Variants in MITD1 observed in about 807,000 individuals in gnomAD.
The protein encoded by MITD1 is microtubule interacting and trafficking domain containing 1, also known as MIT domain-containing protein 1.
Under a neutral mutation model 34.9 loss-of-function variants are expected in MITD1, and 24 were observed. The observed-to-expected ratio is 0.69, with a 90% CI of 0.50 to 0.97. MITD1 has a LOEUF of 0.97. Among genes scored for constraint, MITD1 ranks in the 50% least tolerant of loss-of-function variants. MITD1 has a pLI of 0.00. For synonymous variants in MITD1, 102 were observed against 101.4 expected, an observed-to-expected ratio of 1.01 and a Z score of -0.04; for missense variants, 266 against 294.6, an observed-to-expected ratio of 0.90 and a Z score of 0.71.
rs187886723 is a variant in MITD1 at position 99,162,670 on chromosome 2, A to G, written c.*4-452T>C. ...GCTGTTGCTACAGAGTATGCTGCTT[A>G]TCATCAAATTGATAATCACATTCAC... On this transcript the variant is annotated intron_variant, in intron 7 of 7. Transcript: ENST00000422537. The G allele has an allele frequency of 8.7e-5, 141 of 1,614,166 alleles. No individual in the cohort carries two copies. In the East Asian group the frequency reaches 2.9e-3, roughly 33 times the overall value.
intron 7 of MITD1, among the ~76,000 whole-genome samples, chr2:99,163,747 A>C (rs142704831): frequency 7.6e-4 from 115 of 152,076 alleles, no homozygotes; most frequent in Middle Eastern, 3.4e-3. Context: ...TGTTTTTCTT[A>C]TCTCTCGGAG....
intron 1 of MITD1, among the ~76,000 whole-genome samples, chr2:99,180,064 G>A (rs1199235598): frequency 6.6e-6 from 1 of 152,114 alleles, no homozygotes; most frequent in Non-Finnish European, 1.5e-5. Context: ...TGTCTACTGT[G>A]AGCCAGGGTT....
At chr2:99,179,838 A>T (rs2093906328) in intron 1 of MITD1, among the ~76,000 whole-genome samples, 1 of 152,156 alleles carries the variant, frequency 6.6e-6, no homozygotes, top group Admixed American at 6.5e-5. Context: ...TGCTGGGATT[A>T]CAGGAGTGAG....
In MITD1 at chr2:99,181,055, AT is replaced by A; in HGVS notation, c.-75del. On this transcript the variant is annotated 5_prime_UTR_variant, in exon 1 of 7. An upstream start codon of the reference 5' UTR is lost. Coordinates refer to ENST00000289359, the MANE Select transcript of MITD1 (RefSeq NM_138798.3). ...TCTGCTGCGCTTCCGGGAAGTGGTCATGTGATACCCAGGCGCCTGCGCTCTC... is the reference window on the plus strand; with the variant it reads ...TCTGCTGCGCTTCCGGGAAGTGGTCAGTGATACCCAGGCGCCTGCGCTCTC... 8 of 1,530,320 alleles carry A rather than the reference AT, an allele frequency of 5.2e-6. No individual in the cohort carries two copies. Among genetic ancestry groups the A allele is most frequent in the Non-Finnish European group, 6.2e-6 (7 of 1,136,900 alleles). 94.8% of individuals were successfully genotyped at this position (1,530,320 alleles called of 1,614,324 possible).
chr2:99,162,338 G>T, intron 7 of MITD1: 1 of 1,613,532 alleles, frequency 6.2e-7, no homozygotes, highest in Non-Finnish European at 8.5e-7. Context: ...ATGATAGAAT[G>T]GAAAATCTGA....
At chr2:99,169,789 A>G (rs1266804487) in intron 5 of MITD1, among the ~76,000 whole-genome samples, 179 bp from the exon 6 acceptor site, 1 of 152,204 alleles carries the variant, frequency 6.6e-6, no homozygotes, top group Non-Finnish European at 1.5e-5. Context: ...GAAAACAGTC[A>G]TAGAAACAAT....
downstream of MITD1, among the ~76,000 whole-genome samples, chr2:99,167,834 A>T (rs2093833664): frequency 6.6e-6 from 1 of 152,182 alleles, no homozygotes; most frequent in Admixed American, 6.5e-5. Flanking sequence ...ATTCAGTATT[A>T]TCAGCACCTG....
chr2:99,171,488 A>T (rs369963534), intron 3 of MITD1, 22 bp downstream of exon 3: 1 of 1,594,840 alleles, frequency 6.3e-7, no homozygotes, highest in Non-Finnish European at 8.6e-7. Flanking sequence ...ATATTTCATT[A>T]TATTTTAGTA....
At chr2:99,162,357 G>C (rs1174551672) in intron 7 of MITD1, 1 of 1,613,870 alleles carries the variant, frequency 6.2e-7, no homozygotes, top group East Asian at 2.2e-5. Flanking sequence ...GAAATTAATT[G>C]TGAGAGCTCT....
chr2:99,168,041 TAG>T (rs1227491363), downstream of MITD1, among the ~76,000 whole-genome samples: 1 of 152,238 alleles, frequency 6.6e-6, no homozygotes, highest in Non-Finnish European at 1.5e-5. Context: ...CTCTGTTGAA[TAG>T]TCCTCAGATG....
rs754469399 is a variant in MITD1, at chr2:99,180,995, C to A, written c.-14G>T. ...GGACTTCGCCATAATTCTGGAAGTT[C>A]TCCTCCGCCTCAACCCAGGATGAAG... On this transcript the variant is annotated 5_prime_UTR_variant, in exon 1 of 7. Coordinates refer to ENST00000289359, the MANE Select transcript of MITD1 (RefSeq NM_138798.3). 1.9e-6 allele frequency: 3 copies of A among 1,611,022 alleles called. No individual in the cohort carries two copies. The African/African-American group carries it at 4.0e-5, about 21-fold the overall frequency.
chr2:99,180,778 G>T, intron 1 of MITD1, 53 bp downstream of exon 1: 1 of 1,486,510 alleles, frequency 6.7e-7, no homozygotes, highest in Non-Finnish European at 9.4e-7. Context: ...CCCAGACACA[G>T]CAGGAACCAG....
intron 2 of MITD1, chr2:99,173,293 G>A (rs978281304): frequency 3.8e-5 from 12 of 313,704 alleles, no homozygotes; most frequent in Non-Finnish European, 6.1e-5. Context: ...GAGGGCAGCA[G>A]TACCTTTGGC....
chr2:99,162,036 A>G, exon 8 of MITD1: 1 of 1,614,126 alleles, frequency 6.2e-7, no homozygotes, highest in African/African-American at 1.3e-5. Context: ...CTTTAAAAAA[A>G]CAGTAAAAAA....
intron 2 of MITD1, chr2:99,173,687 G>C (rs558034885): frequency 9.3e-5 from 52 of 559,550 alleles, no homozygotes; most frequent in African/African-American, 8.9e-4. Context: ...GTTCAAAGGG[G>C]TGTCTGATAT....
downstream of MITD1, among the ~76,000 whole-genome samples, chr2:99,168,506 C>T (rs1276366428): frequency 4.6e-5 from 7 of 152,198 alleles, no homozygotes; most frequent in Admixed American, 1.3e-4. Context: ...AGCCTGTCTC[C>T]ATGGAATCTA....
chr2:99,180,108 C>G (rs1191761098), intron 1 of MITD1, among the ~76,000 whole-genome samples: 2 of 152,088 alleles, frequency 1.3e-5, no homozygotes, highest in African/African-American at 4.8e-5. Context: ...GGGTATTTCT[C>G]AACATTGAAT....
At chr2:99,179,359 G>C (rs938614718) in intron 1 of MITD1, among the ~76,000 whole-genome samples, 1 of 152,096 alleles carries the variant, frequency 6.6e-6, no homozygotes, top group African/African-American at 2.4e-5. Flanking sequence ...GAACTTGAAA[G>C]CGAACAATAC....
chr2:99,170,630 C>T lies in MITD1; in HGVS notation c.500G>A (p.Ser167Asn), dbSNP rs755228658. 6.3e-7 allele frequency: 1 copy of T among 1,599,938 alleles called. No homozygotes were observed. The highest frequency in any genetic ancestry group is 8.6e-7 in the Non-Finnish European group (1 of 1,168,100). Residue 167 changes from serine (S) to asparagine (N), a missense_variant, in exon 5 of 7, where the codon AGT becomes AAT. Coordinates refer to ENST00000289359, the MANE Select transcript of MITD1 (RefSeq NM_138798.3). ...CTCTTCTATTTCTTGCAGGCCTCTA[C>T]TTTGCTGCACTTGCTCAATGCCCTG... ...LDEGIEQVQQ[S>N]RGLQEIEESL...
Sources: allele counts gnomAD v4.1 joint callset (sites outside exome capture counted in the v4.1 genomes callset), GRCh38; gene constraint gnomAD v4.1.1; transcripts MANE v1.5; gene names NCBI Gene and HGNC (gene_info 2026-07-23, HGNC 2026-07-21).